Variants in TCF7L2 observed in about 807,000 individuals in gnomAD.
The protein encoded by TCF7L2 is transcription factor 7-like 2.
Under a neutral mutation model 77.9 loss-of-function variants are expected in TCF7L2, and 23 were observed. The ratio of observed to expected loss-of-function variants is 0.30; its 90% CI spans 0.21 to 0.42. TCF7L2 has a LOEUF of 0.42. Among genes scored for constraint, TCF7L2 ranks in the 10% least tolerant of loss-of-function variants. TCF7L2 has a pLI of 1.00. For synonymous variants in TCF7L2, 413 were observed against 340.2 expected (o/e 1.21, Z -2.36); for missense variants, 654 against 793.1 (o/e 0.82, Z 2.11).
chr10:113,144,007 T>G lies in TCF7L2; in HGVS notation c.770T>G (p.Leu257Arg). 1 of 1,613,182 alleles carries G rather than the reference T, an allele frequency of 6.2e-7. No homozygotes were observed. Among genetic ancestry groups the G allele is most frequent in the African/African-American group, 1.3e-5 (1 of 75,022 alleles). Residue 257 changes from leucine (L) to arginine (R), a missense_variant, in exon 7 of 14, where the codon CTA becomes CGA. Transcript: ENST00000627217. The stretch of plus-strand genomic sequence containing the variant: ...ACCGTAGGACAAATCCCCCATCCGC[T>G]AGGATGGTTAGTACCACAGTAAGGA...
chr10:113,095,730 T>C (rs2060888106), intron 5 of TCF7L2, among the ~76,000 whole-genome samples: 1 of 152,184 alleles, frequency 6.6e-6, no homozygotes, highest in Non-Finnish European at 1.5e-5. Flanking sequence ...TCATTTTGTA[T>C]ACTAAGCAGG....
At chr10:112,997,057 C>A (rs577810796) in intron 4 of TCF7L2, among the ~76,000 whole-genome samples, 1 of 152,304 alleles carries the variant, frequency 6.6e-6, no homozygotes, top group South Asian at 2.1e-4. Context: ...CCTGTTCCCC[C>A]ACAAACTAAT....
At position 112,950,707 on chromosome 10, in the gene TCF7L2, C is replaced by A. The variant is rs780444683; in HGVS notation, c.-50C>A. On this transcript the variant is annotated 5_prime_UTR_variant, in exon 1 of 14. Transcript: ENST00000627217. Reference sequence around the variant, plus strand: ...TTGGGGGTGATTTTTTTTGGCTTTTCTTCCTCCTTCATTTTTCTTCCAAAA... The same window carrying A: ...TTGGGGGTGATTTTTTTTGGCTTTTATTCCTCCTTCATTTTTCTTCCAAAA... 15 of 1,517,618 alleles carry A rather than the reference C, an allele frequency of 9.9e-6. No homozygotes were observed. The South Asian group carries it at 1.8e-4, about 18-fold the overall frequency. 94.0% of individuals were successfully genotyped at this position (1,517,618 alleles called of 1,614,324 possible). A position where few individuals can be genotyped will look rare whatever the true frequency, so the allele number is the denominator to read the frequency against.
intron 4 of TCF7L2, among the ~76,000 whole-genome samples, chr10:113,035,419 T>C (rs144329789): frequency 3.6e-4 from 55 of 152,354 alleles, no homozygotes; most frequent in African/African-American, 1.3e-3. Context: ...TGCTTTTTTC[T>C]GGCCAGTGAG....
At chr10:113,144,086 T>TTCTGTGTGTGTG in intron 7 of TCF7L2, 61 bp downstream of exon 7, 2 of 1,340,446 alleles carry the variant, frequency 1.5e-6, no homozygotes, top group Non-Finnish European at 1.0e-6. Context: ...TTATTATTTA[T>TTCTGTGTGTGTG]TCTGTGTGTG....
intron 5 of TCF7L2, chr10:113,130,078 TC>T (rs34096467): frequency 0.59 from 500,735 of 854,270 alleles, 151,342 homozygotes; most frequent in African/African-American, 0.72. Context: ...CTATGCTTTT[TC>T]CCCCCCCTTA....
intron 3 of TCF7L2, among the ~76,000 whole-genome samples, chr10:112,955,215 A>G (rs1018061976): frequency 6.6e-6 from 1 of 152,194 alleles, no homozygotes; most frequent in Admixed American, 6.5e-5. Flanking sequence ...TAAATAGAGA[A>G]CAATAAAATG....
Position 113,151,235 on chromosome 10 carries a change from C to A in TCF7L2, c.1001+112C>A. The A allele has an allele frequency of 2.1e-6, 3 of 1,421,462 alleles. No homozygotes were observed. Among genetic ancestry groups the A allele is most frequent in the East Asian group, 2.3e-5 (1 of 43,660 alleles). 88.1% of individuals were successfully genotyped at this position (1,421,462 alleles called of 1,614,324 possible). A position where few individuals can be genotyped will look rare whatever the true frequency, so the allele number is the denominator to read the frequency against. On this transcript the variant is annotated intron_variant, in intron 9 of 13. Transcript: ENST00000627217. The surrounding 1 kb of genome is among the most constrained non-coding windows in gnomAD (Gnocchi z 5.2). ...AGGTTGGCCTCGTTTGGTTTGACTG[C>A]AGCCAATACCCAGCCTGTGTGGGCT...
chr10:113,132,084 A>G (rs1229085036), intron 5 of TCF7L2: 2 of 152,254 alleles, frequency 1.3e-5, no homozygotes, highest in Non-Finnish European at 2.9e-5. Flanking sequence ...GAACGGAACA[A>G]TGCAGTTCTG....
intron 5 of TCF7L2, among the ~76,000 whole-genome samples, chr10:113,077,257 A>G (rs2058788882): frequency 6.6e-6 from 1 of 152,228 alleles, no homozygotes. Context: ...AATAAAATGT[A>G]CTCAAAATTA....
intron 5 of TCF7L2, among the ~76,000 whole-genome samples, chr10:113,053,906 G>A (rs1029456753): frequency 1.3e-5 from 2 of 152,166 alleles, no homozygotes; most frequent in African/African-American, 2.4e-5. Flanking sequence ...GCTGGGAGGC[G>A]GCAAGCTGGA....
intron 4 of TCF7L2, among the ~76,000 whole-genome samples, chr10:112,979,783 T>A (rs926316528): frequency 6.7e-6 from 1 of 150,040 alleles, no homozygotes; most frequent in Non-Finnish European, 1.5e-5. Context: ...ATAAAAAAAA[T>A]AAACGAAGAC....
chr10:113,109,028 C>T (rs1220596267), intron 5 of TCF7L2, among the ~76,000 whole-genome samples: 1 of 152,204 alleles, frequency 6.6e-6, no homozygotes, highest in East Asian at 1.9e-4. Context: ...GTCCCCTTAA[C>T]CACTACAATC....
chr10:113,135,433 A>G (rs1347208357), intron 5 of TCF7L2, among the ~76,000 whole-genome samples: 2 of 152,264 alleles, frequency 1.3e-5, no homozygotes, highest in Non-Finnish European at 2.9e-5. Context: ...CTAAGGAACC[A>G]GACAGAGGAA....
At chr10:113,103,836 G>A (rs1280051338) in intron 5 of TCF7L2, among the ~76,000 whole-genome samples, 1 of 152,150 alleles carries the variant, frequency 6.6e-6, no homozygotes, top group Non-Finnish European at 1.5e-5. Flanking sequence ...GCAAGCCTTA[G>A]CACAGCTTGA....
At chr10:113,052,888 G>C (rs926477114) in intron 5 of TCF7L2, among the ~76,000 whole-genome samples, 1 of 152,230 alleles carries the variant, frequency 6.6e-6, no homozygotes, top group African/African-American at 2.4e-5. Context: ...ATATTTCTAA[G>C]AGGGTGATAA....
chr10:113,124,933 A>T (rs2065337707), intron 5 of TCF7L2, among the ~76,000 whole-genome samples: 1 of 152,038 alleles, frequency 6.6e-6, no homozygotes, highest in Non-Finnish European at 1.5e-5. Context: ...CATGTATCAG[A>T]GGCTTTCGTT....
At chr10:113,048,283 C>G (rs2053806742) in intron 5 of TCF7L2, among the ~76,000 whole-genome samples, 1 of 152,078 alleles carries the variant, frequency 6.6e-6, no homozygotes, top group African/African-American at 2.4e-5. Context: ...CATTTGGCAC[C>G]CAGCCTGTCC....
At chr10:113,094,031 C>A (rs1019624018) in intron 5 of TCF7L2, among the ~76,000 whole-genome samples, 4 of 152,154 alleles carry the variant, frequency 2.6e-5, no homozygotes, top group African/African-American at 9.7e-5. Flanking sequence ...TGTGGTTGAC[C>A]TACCCTTTTG....
Sources: allele counts gnomAD v4.1 joint callset (sites outside exome capture counted in the v4.1 genomes callset), GRCh38; gene constraint gnomAD v4.1.1; non-coding constraint Gnocchi (gnomAD v3.1); transcripts MANE v1.5; gene names NCBI Gene and HGNC (gene_info 2026-07-23, HGNC 2026-07-21).